The following LHFPL4 variants were observed in gnomAD, a reference collection of about 807,000 sequenced individuals.
The protein encoded by LHFPL4 is LHFPL tetraspan subfamily member 4 protein.
A neutral mutation model predicts 20.0 loss-of-function variants in LHFPL4; 6 were observed. The ratio of observed to expected loss-of-function variants is 0.30; its 90% CI spans 0.16 to 0.59. LHFPL4 has a LOEUF of 0.59. Among genes scored for constraint, LHFPL4 ranks in the 20% least tolerant of loss-of-function variants. The pLI is 0.88. For synonymous variants in LHFPL4, 129 were observed against 143.8 expected (o/e 0.90, Z 0.74); for missense variants, 215 against 331.2 (o/e 0.65, Z 2.72).
chr3:9,552,899 A>G, intron 1 of LHFPL4, 52 bp from the exon 2 acceptor site: 1 of 135,948 alleles, frequency 7.4e-6, no homozygotes, highest in Non-Finnish European at 1.5e-5. Flanking sequence ...GTCTAGGGGG[A>G]CTGGCAAAGG....
In LHFPL4 at chr3:9,523,107, A is replaced by AGAAAGC. The variant is rs1491541102; in HGVS notation, c.407-16905_407-16904insGCTTTC. On this transcript the variant is annotated intron_variant, in intron 2 of 3. Coordinates refer to ENST00000287585, the MANE Select transcript of LHFPL4 (RefSeq NM_198560.3). ...AAGAAAGAAAGAGAGAGAGAGAGAG[A>AGAAAGC]AAGCAAGCAAGCAAGCAAGCAAGCA... is the stretch of plus-strand genomic sequence containing the variant. 5.3e-4 allele frequency among the ~76,000 whole-genome samples: 76 copies of AGAAAGC among 144,508 alleles called. 1 individual carries two copies. Among genetic ancestry groups the AGAAAGC allele is most frequent in the African/African-American group, 1.7e-3 (68 of 38,964 alleles). The allele number at this position is 144,508 out of a possible 152,430, so 94.8% of individuals were successfully genotyped here.
chr3:9,514,420 C>T (rs1340418149), intron 2 of LHFPL4, among the ~76,000 whole-genome samples: 4 of 152,126 alleles, frequency 2.6e-5, no homozygotes, highest in Non-Finnish European at 5.9e-5. Context: ...CACTCCCTGA[C>T]CCTACACATG....
chr3:9,553,320 G>C (rs1467841423), intron 1 of LHFPL4, among the ~76,000 whole-genome samples: 2 of 150,960 alleles, frequency 1.3e-5, no homozygotes, highest in Non-Finnish European at 3.0e-5. Context: ...GCTGGTATGA[G>C]GGTCTAAGAG....
intron 2 of LHFPL4, among the ~76,000 whole-genome samples, chr3:9,519,407 T>C (rs1407627357): frequency 6.6e-6 from 1 of 152,058 alleles, no homozygotes; most frequent in Non-Finnish European, 1.5e-5. Context: ...CCAATTTGAG[T>C]TTCTCTCTCT....
rs374593038 is a variant in LHFPL4 at position 9,501,214 on chromosome 3, G to A, written c.*997C>T. 37 of 152,832 alleles carry A rather than the reference G, an allele frequency of 2.4e-4. No homozygotes were observed. Among genetic ancestry groups the A allele is most frequent in the African/African-American group, 8.4e-4 (35 of 41,536 alleles). 9.5% of individuals were successfully genotyped at this position (152,832 alleles called of 1,614,324 possible). A position where few individuals can be genotyped will look rare whatever the true frequency, so the allele number is the denominator to read the frequency against. ...GACAAGACAGTCTCTGCCCTTGGTA[G>A]ACGCCTGGGGTATGGAGGGCATGAA... On this transcript the variant is annotated 3_prime_UTR_variant, in exon 4 of 4. Coordinates refer to ENST00000287585, the MANE Select transcript of LHFPL4 (RefSeq NM_198560.3).
At chr3:9,518,079 C>T (rs2046315691) in intron 2 of LHFPL4, among the ~76,000 whole-genome samples, 1 of 151,954 alleles carries the variant, frequency 6.6e-6, no homozygotes, top group Non-Finnish European at 1.5e-5. Flanking sequence ...GAGAAAATTT[C>T]CCCCATTCCT....
intron 2 of LHFPL4, among the ~76,000 whole-genome samples, chr3:9,526,466 C>T (rs1012250639): frequency 6.6e-6 from 1 of 152,154 alleles, no homozygotes; most frequent in Non-Finnish European, 1.5e-5. Context: ...GTTTGAATAA[C>T]TGTCTTTATT....
chr3:9,551,788 C>A lies in LHFPL4; in HGVS notation c.406+486G>T, dbSNP rs149818288. The stretch of plus-strand genomic sequence containing the variant: ...CTTTCATTTGTCCTTTTGGAATCTT[C>A]TCCCCTGTTTTACAGATGAGGAAAC... On this transcript the variant is annotated intron_variant, in intron 2 of 3. Coordinates refer to ENST00000287585, the MANE Select transcript of LHFPL4 (RefSeq NM_198560.3). Among the ~76,000 whole-genome samples, 196 of 152,302 alleles carry A rather than the reference C, an allele frequency of 1.3e-3. 4 individuals are homozygous for A. In the East Asian group the frequency reaches 0.025, roughly 20 times the overall value.
chr3:9,511,212 G>A (rs1311707435), intron 2 of LHFPL4, among the ~76,000 whole-genome samples: 4 of 151,244 alleles, frequency 2.6e-5, no homozygotes, highest in Non-Finnish European at 4.4e-5. Context: ...TTAGCCACGC[G>A]TGGTGGCGGG....
intron 2 of LHFPL4, among the ~76,000 whole-genome samples, chr3:9,526,329 G>T (rs1279105425): frequency 6.6e-6 from 1 of 152,134 alleles, no homozygotes; most frequent in Non-Finnish European, 1.5e-5. Flanking sequence ...GCAATAATGT[G>T]AATGTACTTG....
At position 9,552,230 on chromosome 3, in the gene LHFPL4, T is replaced by G. The variant is rs375024293; in HGVS notation, c.406+44A>C. 4.5e-6 allele frequency: 7 copies of G among 1,547,374 alleles called. No individual in the cohort carries two copies. The African/African-American group carries it at 9.6e-5, about 21-fold the overall frequency. On this transcript the variant is annotated intron_variant, in intron 2 of 3. Coordinates refer to ENST00000287585, the MANE Select transcript of LHFPL4 (RefSeq NM_198560.3). ...GGGGACCTGGCAGGAAGGAGCCCCGTCCCTGGCGCTTGTTCTGGGAGTTCC... is the reference window on the plus strand; with the variant it reads ...GGGGACCTGGCAGGAAGGAGCCCCGGCCCTGGCGCTTGTTCTGGGAGTTCC...
intron 2 of LHFPL4, among the ~76,000 whole-genome samples, chr3:9,522,609 C>T (rs1043427165): frequency 2.0e-5 from 3 of 151,836 alleles, no homozygotes; most frequent in Non-Finnish European, 2.9e-5. Context: ...GGCATGGTGG[C>T]GCGCGCCTGT....
At chr3:9,522,221 C>G (rs2046342280) in intron 2 of LHFPL4, among the ~76,000 whole-genome samples, 2 of 151,650 alleles carry the variant, frequency 1.3e-5, no homozygotes, top group Non-Finnish European at 2.9e-5. Flanking sequence ...GTCTCGATCT[C>G]TTGACCTCGT....
Position 9,502,067 on chromosome 3 carries a change from C to T in LHFPL4, c.*144G>A, listed in dbSNP as rs2046180629. The T allele has an allele frequency of 7.4e-6, 5 of 674,384 alleles. No homozygotes were observed. The highest frequency in any genetic ancestry group is 3.6e-5 in the South Asian group (2 of 56,142). The allele number at this position is 674,384 out of a possible 1,614,324, so 41.8% of individuals were successfully genotyped here. On this transcript the variant is annotated 3_prime_UTR_variant, in exon 4 of 4. Coordinates refer to ENST00000287585, the MANE Select transcript of LHFPL4 (RefSeq NM_198560.3). ...CAGGCCACATCCAGGCTTTCCTCTC[C>T]TCAAAGCCTGGAGCTTGCAGGGTAG... is the stretch of plus-strand genomic sequence containing the variant.
At chr3:9,549,301 T>C (rs773106516) in intron 2 of LHFPL4, among the ~76,000 whole-genome samples, 8 of 152,164 alleles carry the variant, frequency 5.3e-5, no homozygotes, top group Non-Finnish European at 1.2e-4. Context: ...GGGATGGTTA[T>C]AGAGCTGGTG....
chr3:9,508,137 C>T (rs981175901), intron 2 of LHFPL4, among the ~76,000 whole-genome samples: 2 of 152,218 alleles, frequency 1.3e-5, no homozygotes, highest in Non-Finnish European at 2.9e-5. Flanking sequence ...GGGCCCTTGG[C>T]TGTGCCAGCT....
At chr3:9,552,210 C>T in intron 2 of LHFPL4, 64 bp downstream of exon 2, 1 of 1,529,930 alleles carries the variant, frequency 6.5e-7, no homozygotes, top group Non-Finnish European at 8.8e-7. Flanking sequence ...AGGAAGGGGA[C>T]CTGGCAGGAA....
At chr3:9,525,636 GA>G (rs2046369454) in intron 2 of LHFPL4, among the ~76,000 whole-genome samples, 1 of 152,248 alleles carries the variant, frequency 6.6e-6, no homozygotes, top group African/African-American at 2.4e-5. Flanking sequence ...TGCATACTAT[GA>G]AATGCATTGC....
chr3:9,552,407 G>A lies in LHFPL4; in HGVS notation c.273C>T (p.Ala91=). The A allele has an allele frequency of 6.2e-7, 1 of 1,613,928 alleles. No homozygotes were observed. Among genetic ancestry groups the A allele is most frequent in the Non-Finnish European group, 8.5e-7 (1 of 1,180,010 alleles). ...FTDFSTIPSS[A]FKAAAFFVLL... Reference sequence around the variant, plus strand: ...GCACGAAGAAGGCGGCCGCCTTGAAGGCGCTGGACGGGATGGTGCTGAAGT... The same window carrying A: ...GCACGAAGAAGGCGGCCGCCTTGAAAGCGCTGGACGGGATGGTGCTGAAGT... The change falls in exon 2 of 4, where the codon GCC becomes GCT. Residue 91 remains alanine, a synonymous_variant. Coordinates refer to ENST00000287585, the MANE Select transcript of LHFPL4 (RefSeq NM_198560.3).
Sources: gnomAD v4.1 joint callset for allele counts (sites outside exome capture counted in the v4.1 genomes callset) on GRCh38, gnomAD v4.1.1 for gene constraint, MANE v1.5 for transcripts, NCBI Gene and HGNC (gene_info 2026-07-23, HGNC 2026-07-21) for gene names.